NEDD9: variants seen among roughly 807,000 people sequenced by gnomAD.
The protein encoded by NEDD9 is enhancer of filamentation 1.
A neutral mutation model predicts 76.6 loss-of-function variants in NEDD9; 26 were observed. The observed-to-expected ratio is 0.34, with a 90% CI of 0.25 to 0.47. The LOEUF (loss-of-function observed/expected upper bound fraction) is 0.47, where lower values mean the gene tolerates loss of function less well. NEDD9 is among the 20% of genes least tolerant of loss of function. The pLI, the probability that NEDD9 is intolerant of heterozygous loss-of-function variation, is 1.00. For synonymous variants in NEDD9, 392 were observed against 414.2 expected, an observed-to-expected ratio of 0.95 and a Z score of 0.65; for missense variants, 937 against 1,058.5, an observed-to-expected ratio of 0.89 and a Z score of 1.59.
At chr6:11,360,774 G>A (rs893411264) in intron 1 of NEDD9, among the ~76,000 whole-genome samples, 2 of 152,104 alleles carry the variant, frequency 1.3e-5, no homozygotes, top group Non-Finnish European at 2.9e-5. Flanking sequence ...CCAGTCTCAG[G>A]TATTTCTTTA....
intron 2 of NEDD9, among the ~76,000 whole-genome samples, chr6:11,311,913 C>A (rs1234964275): frequency 1.3e-5 from 2 of 152,182 alleles, no homozygotes; most frequent in Non-Finnish European, 1.5e-5. Context: ...TTGAGTCTGA[C>A]TTTACTTGAC....
intron 3 of NEDD9, chr6:11,248,803 T>G (rs1327337022): frequency 7.6e-6 from 2 of 264,342 alleles, no homozygotes; most frequent in East Asian, 1.7e-4. Flanking sequence ...AGGCCCCACC[T>G]TGGCCCTGGG....
At chr6:11,357,834 T>G (rs1762606956) in intron 1 of NEDD9, among the ~76,000 whole-genome samples, 2 of 152,150 alleles carry the variant, frequency 1.3e-5, no homozygotes, top group South Asian at 4.1e-4. Context: ...CTACGTCAGT[T>G]CTACAAGATC....
intron 2 of NEDD9, among the ~76,000 whole-genome samples, chr6:11,201,610 T>C (rs1350773732): frequency 1.3e-5 from 2 of 152,224 alleles, no homozygotes; most frequent in Non-Finnish European, 2.9e-5. Flanking sequence ...CTTCACTAGT[T>C]AGTCATGCTC....
chr6:11,227,432 C>T (rs1759338111), intron 1 of NEDD9, among the ~76,000 whole-genome samples: 1 of 152,172 alleles, frequency 6.6e-6, no homozygotes, highest in African/African-American at 2.4e-5. Context: ...ATTCTTATCC[C>T]TATTTTACAG....
intron 3 of NEDD9, among the ~76,000 whole-genome samples, chr6:11,261,586 G>A (rs1364936184): frequency 1.3e-5 from 2 of 152,162 alleles, no homozygotes; most frequent in African/African-American, 4.8e-5. Flanking sequence ...TGCTCTCAAA[G>A]AACAATAGAG....
chr6:11,208,093 G>A (rs1035878670), intron 2 of NEDD9, among the ~76,000 whole-genome samples: 6 of 151,064 alleles, frequency 4.0e-5, no homozygotes, highest in Admixed American at 1.3e-4. Context: ...AATGAGAATC[G>A]CTTGAACCCA....
At chr6:11,263,100 T>G (rs1407897912) in intron 3 of NEDD9, among the ~76,000 whole-genome samples, 1 of 152,212 alleles carries the variant, frequency 6.6e-6, no homozygotes, top group Non-Finnish European at 1.5e-5. Context: ...TTTGGTTTTG[T>G]TTGACTTTAT....
chr6:11,329,278 A>G (rs1389758026), intron 2 of NEDD9, among the ~76,000 whole-genome samples: 1 of 152,212 alleles, frequency 6.6e-6, no homozygotes, highest in African/African-American at 2.4e-5. Context: ...TGAGGCAGTA[A>G]TGACATTCAG....
At chr6:11,374,007 A>G (rs1353658577) in intron 1 of NEDD9, among the ~76,000 whole-genome samples, 1 of 152,080 alleles carries the variant, frequency 6.6e-6, no homozygotes, top group Non-Finnish European at 1.5e-5. Context: ...TGGACTTGCC[A>G]GTCTCCATAA....
chr6:11,277,600 C>T (rs994419373), intron 3 of NEDD9, among the ~76,000 whole-genome samples: 2 of 152,172 alleles, frequency 1.3e-5, no homozygotes, highest in Non-Finnish European at 2.9e-5. Flanking sequence ...AGGGATGAGG[C>T]ACGTTGCCCT....
intron 1 of NEDD9, among the ~76,000 whole-genome samples, chr6:11,346,529 C>G (rs941639900): frequency 6.7e-6 from 1 of 149,274 alleles, no homozygotes; most frequent in Non-Finnish European, 1.5e-5. Context: ...GTAAAATAAA[C>G]CCAATTATGA....
At chr6:11,333,128 T>A (rs562343890) in intron 2 of NEDD9, among the ~76,000 whole-genome samples, 1 of 152,314 alleles carries the variant, frequency 6.6e-6, no homozygotes, top group Admixed American at 6.5e-5. Flanking sequence ...CTACTGTCAG[T>A]GAAAGCTATT....
intron 1 of NEDD9, among the ~76,000 whole-genome samples, chr6:11,351,771 C>A (rs1404983192): frequency 1.3e-5 from 2 of 152,230 alleles, no homozygotes; most frequent in African/African-American, 2.4e-5. Context: ...TTCTTCATTT[C>A]CCCTCAAAGG....
chr6:11,344,938 C>A (rs978867002), intron 1 of NEDD9, among the ~76,000 whole-genome samples: 1 of 152,170 alleles, frequency 6.6e-6, no homozygotes. Flanking sequence ...TCATTTCAAG[C>A]CCTTCTGCTG....
chr6:11,299,099 G>A (rs1279202464), intron 3 of NEDD9, among the ~76,000 whole-genome samples: 2 of 152,320 alleles, frequency 1.3e-5, no homozygotes, highest in African/African-American at 2.4e-5. Context: ...GGGAAGCCAT[G>A]ACAGACTGTA....
At chr6:11,257,924 T>C (rs1760037049) in intron 3 of NEDD9, among the ~76,000 whole-genome samples, 1 of 152,190 alleles carries the variant, frequency 6.6e-6, no homozygotes, top group Non-Finnish European at 1.5e-5. Context: ...CTCTTGTTTT[T>C]TGAAACTGAC....
At chr6:11,334,192 CTATA>C (rs1762103100) in intron 2 of NEDD9, among the ~76,000 whole-genome samples, 2 of 152,110 alleles carry the variant, frequency 1.3e-5, no homozygotes, top group Non-Finnish European at 2.9e-5. Flanking sequence ...GAGTAAATGA[CTATA>C]TATGTACATA....
intron 3 of NEDD9, chr6:11,305,878 G>T (rs919572706): frequency 4.8e-6 from 6 of 1,262,316 alleles, no homozygotes; most frequent in Non-Finnish European, 6.9e-6. Flanking sequence ...AATGTTAGTT[G>T]CAGGCCCGTA....
Sources: allele counts gnomAD v4.1 joint callset (sites outside exome capture counted in the v4.1 genomes callset), GRCh38; gene constraint gnomAD v4.1.1; transcripts MANE v1.5; gene names NCBI Gene and HGNC (gene_info 2026-07-23, HGNC 2026-07-21).